The following SKA2 variants were observed in gnomAD, a reference collection of about 807,000 sequenced individuals.
SKA2 encodes the protein spindle and kinetochore associated complex subunit 2.
In SKA2, 13 loss-of-function variants were observed where a neutral mutation model predicts 16.9. The observed-to-expected ratio is 0.77, with a 90% CI of 0.50 to 1.22. The LOEUF (loss-of-function observed/expected upper bound fraction) is 1.22. SKA2 is among the 50% of genes most tolerant of loss of function. SKA2 has a pLI of 0.00. For missense variants in SKA2, 107 were observed against 139.7 expected, an observed-to-expected ratio of 0.77 and a Z score of 1.18; for synonymous variants, 47 against 48.5, an observed-to-expected ratio of 0.97 and a Z score of 0.13.
intron 2 of SKA2, among the ~76,000 whole-genome samples, chr17:59,120,048 A>G (rs937533765): frequency 1.3e-5 from 2 of 151,770 alleles, no homozygotes; most frequent in Non-Finnish European, 2.9e-5. Context: ...AGCTGGGACT[A>G]CAGGCGCCCG....
At chr17:59,118,025 G>A (rs1167170293) in intron 3 of SKA2, 1 of 152,238 alleles carries the variant, frequency 6.6e-6, no homozygotes, top group Non-Finnish European at 1.5e-5. Flanking sequence ...AGCACTTTGG[G>A]AGGCTGAGGC....
At chr17:59,130,457 C>CAAAAAAAAAAAAAA (rs569934567) in intron 2 of SKA2, among the ~76,000 whole-genome samples, 3 of 70,394 alleles carry the variant, frequency 4.3e-5, no homozygotes, top group Non-Finnish European at 6.1e-5. Context: ...ACTAAAAATA[C>CAAAAAAAAAAAAAA]AAAAAAAAAA....
chr17:59,137,252 AAAC>A (rs1198749188), intron 1 of SKA2, among the ~76,000 whole-genome samples: 4 of 152,168 alleles, frequency 2.6e-5, no homozygotes, highest in African/African-American at 9.6e-5. Context: ...TCCTGAGCTC[AAAC>A]AATCTTCCCG....
chr17:59,152,415 T>C (rs2046584673), intron 1 of SKA2, among the ~76,000 whole-genome samples: 1 of 152,142 alleles, frequency 6.6e-6, no homozygotes, highest in Non-Finnish European at 1.5e-5. Context: ...GCCACATAAC[T>C]AAAATATTAG....
chr17:59,147,408 A>G (rs2046542299), intron 1 of SKA2, among the ~76,000 whole-genome samples: 1 of 151,586 alleles, frequency 6.6e-6, no homozygotes, highest in Admixed American at 6.6e-5. Context: ...ACACACACAC[A>G]CACATTTGGA....
intron 1 of SKA2, among the ~76,000 whole-genome samples, chr17:59,144,548 A>T (rs1206388352): frequency 6.6e-6 from 1 of 152,218 alleles, no homozygotes; most frequent in Non-Finnish European, 1.5e-5. Flanking sequence ...AGTAAAATGT[A>T]GTACATACGT....
In SKA2 at chr17:59,112,206, CAA is replaced by C; in HGVS notation, c.*69_*70del. The C allele has an allele frequency of 2.3e-6, 3 of 1,304,588 alleles. No homozygotes were observed. The South Asian group carries it at 3.7e-5, about 16-fold the overall frequency. The allele number at this position is 1,304,588 out of a possible 1,614,324, so 80.8% of individuals were successfully genotyped here. A position where few individuals can be genotyped will look rare whatever the true frequency, so the allele number is the denominator to read the frequency against. On this transcript the variant is annotated 3_prime_UTR_variant, in exon 4 of 4. Coordinates refer to ENST00000330137, the MANE Select transcript of SKA2 (RefSeq NM_182620.4). ...CCAATCTCTAGACATCAAGGGTTAA[CAA>C]GACATCTTCCTAAATTTCTCCGGAA...
At chr17:59,148,808 CAA>C (rs758187008) in intron 1 of SKA2, among the ~76,000 whole-genome samples, 3 of 47,576 alleles carry the variant, frequency 6.3e-5, no homozygotes, top group African/African-American at 1.6e-4. Context: ...GACCCTGTCT[CAA>C]AAAAAAAAAA....
intron 1 of SKA2, among the ~76,000 whole-genome samples, chr17:59,135,582 G>A (rs1036070989): frequency 3.3e-5 from 5 of 151,594 alleles, no homozygotes; most frequent in Non-Finnish European, 5.9e-5. Flanking sequence ...TCCCAAAGTG[G>A]TGGGATTACA....
intron 1 of SKA2, among the ~76,000 whole-genome samples, chr17:59,135,315 T>A (rs1417472820): frequency 5.1e-5 from 3 of 58,726 alleles, no homozygotes; most frequent in African/African-American, 3.2e-4. Context: ...ACTGTCTTTT[T>A]TTTTTTTTTT....
chr17:59,147,248 A>G (rs1182559619), intron 1 of SKA2, among the ~76,000 whole-genome samples: 1 of 152,096 alleles, frequency 6.6e-6, no homozygotes, highest in Non-Finnish European at 1.5e-5. Context: ...ACAAAAACAA[A>G]ATCAAAATCC....
intron 3 of SKA2, among the ~76,000 whole-genome samples, chr17:59,117,325 C>G (rs184846801): frequency 1.3e-5 from 2 of 152,272 alleles, no homozygotes; most frequent in Admixed American, 1.3e-4. Flanking sequence ...CCCTTTTAAA[C>G]ATCTCTCAGA....
intron 3 of SKA2, among the ~76,000 whole-genome samples, chr17:59,115,053 T>G (rs1280497886): frequency 6.6e-6 from 1 of 150,820 alleles, no homozygotes; most frequent in African/African-American, 2.4e-5. Flanking sequence ...CGTTCTTTCT[T>G]CCTTTTTTTT....
chr17:59,153,428 T>G lies in SKA2; in HGVS notation c.33+1703A>C, dbSNP rs78442620. 4.0e-3 allele frequency among the ~76,000 whole-genome samples: 602 copies of G among 152,046 alleles called. 2 individuals are homozygous for G. The highest frequency in any genetic ancestry group is 5.9e-3 in the Non-Finnish European group (399 of 68,026). On this transcript the variant is annotated intron_variant, in intron 1 of 3. Coordinates refer to ENST00000330137, the MANE Select transcript of SKA2 (RefSeq NM_182620.4). The stretch of plus-strand genomic sequence containing the variant: ...CTTCCCTCCCATTTCTCCCTACACT[T>G]CTCCAACCCCACACACACTGCACAA...
chr17:59,137,660 CA>C (rs1396862083), intron 1 of SKA2: 1 of 408,996 alleles, frequency 2.4e-6, no homozygotes, highest in Non-Finnish European at 4.8e-6. Context: ...TAAAAATTTA[CA>C]TTTAAGCCTC....
chr17:59,120,649 G>A (rs557147927), intron 2 of SKA2, among the ~76,000 whole-genome samples: 1 of 152,198 alleles, frequency 6.6e-6, no homozygotes, highest in Non-Finnish European at 1.5e-5. Flanking sequence ...GTAAATTTTC[G>A]CAGGATAGAA....
intron 2 of SKA2, among the ~76,000 whole-genome samples, chr17:59,127,576 C>T (rs949124106): frequency 2.6e-5 from 4 of 151,826 alleles, no homozygotes; most frequent in African/African-American, 7.3e-5. Context: ...TTAGTAGAGA[C>T]GGGTTTCATC....
chr17:59,116,763 T>C (rs191050508), intron 3 of SKA2, among the ~76,000 whole-genome samples: 11 of 151,660 alleles, frequency 7.3e-5, no homozygotes, highest in Non-Finnish European at 1.5e-4. Flanking sequence ...AATAACCTTT[T>C]GGTTATTTTA....
chr17:59,115,225 T>C (rs2046288595), intron 3 of SKA2, among the ~76,000 whole-genome samples: 1 of 151,948 alleles, frequency 6.6e-6, no homozygotes, highest in Non-Finnish European at 1.5e-5. Context: ...GGCTAATTTT[T>C]TGTATTTCTT....
Sources: gnomAD v4.1 joint callset for allele counts (sites outside exome capture counted in the v4.1 genomes callset) on GRCh38, gnomAD v4.1.1 for gene constraint, MANE v1.5 for transcripts, NCBI Gene and HGNC (gene_info 2026-07-23, HGNC 2026-07-21) for gene names.